Variants in UIMC1 observed in about 807,000 individuals in gnomAD.
UIMC1 encodes ubiquitin interaction motif containing 1, also known as BRCA1-A complex subunit RAP80.
Under a neutral mutation model 84.9 loss-of-function variants are expected in UIMC1, and 42 were observed. That is an observed-to-expected ratio of 0.49 (90% confidence interval 0.39 to 0.64). UIMC1 has a LOEUF of 0.64. Among genes scored for constraint, UIMC1 ranks in the 30% least tolerant of loss-of-function variants. The probability of loss-of-function intolerance (pLI) is 0.00; values close to 1 mark genes in which losing one functional copy is unlikely to be tolerated. For missense variants in UIMC1, 825 were observed against 847.6 expected, an observed-to-expected ratio of 0.97 and a Z score of 0.33; for synonymous variants, 281 against 293.0, an observed-to-expected ratio of 0.96 and a Z score of 0.42.
At chr5:176,928,041 A>G (rs1436491815) in intron 10 of UIMC1, among the ~76,000 whole-genome samples, 3 of 151,906 alleles carry the variant, frequency 2.0e-5, no homozygotes, top group African/African-American at 7.3e-5. Context: ...ATAGGGTTTC[A>G]CCATGTTGGC....
At chr5:177,014,789 A>G (rs910267750) in intron 1 of UIMC1, among the ~76,000 whole-genome samples, 3 of 152,338 alleles carry the variant, frequency 2.0e-5, no homozygotes, top group African/African-American at 7.2e-5. Context: ...AACCTACCAC[A>G]GTGCTAAAGT....
At chr5:176,967,764 G>A (rs1196365251) in intron 6 of UIMC1, among the ~76,000 whole-genome samples, 5 of 152,002 alleles carry the variant, frequency 3.3e-5, no homozygotes, top group Admixed American at 6.6e-5. Flanking sequence ...TTAGCTCAGC[G>A]TAGTAGCGTG....
rs1768894425 is a variant in UIMC1 at position 176,969,634 on chromosome 5, G to C, written c.430C>G (p.Gln144Glu). Residue 144 changes from glutamine (Q) to glutamate (E), a missense_variant, in exon 5 of 15, where the codon CAA (glutamine) becomes GAA (glutamate). By Grantham distance (29) the Gln-to-Glu change is conservative. Coordinates refer to ENST00000511320, the MANE Select transcript of UIMC1 (RefSeq NM_001199298.2). ...AGCCCAGAGTCTGTGGTTTTCTCTT[G>C]ATGGGACTGGGAAGACGGTCCAGTG... Reference protein sequence around the residue: ...LATGPSSQSHQEKTTDSGLTE... With the variant: ...LATGPSSQSHEEKTTDSGLTE... 1.2e-6 allele frequency: 2 copies of C among 1,614,152 alleles called. No homozygotes were observed. The highest frequency in any genetic ancestry group is 8.5e-7 in the Non-Finnish European group (1 of 1,180,018).
intron 6 of UIMC1, among the ~76,000 whole-genome samples, chr5:176,959,841 G>C (rs1767112783): frequency 6.6e-6 from 1 of 151,754 alleles, no homozygotes; most frequent in Non-Finnish European, 1.5e-5. Flanking sequence ...AGACCAGCCT[G>C]ACCAACATGG....
chr5:176,992,325 GT>G (rs1306236345), intron 1 of UIMC1, among the ~76,000 whole-genome samples: 1 of 152,054 alleles, frequency 6.6e-6, no homozygotes, highest in African/African-American at 2.4e-5. Context: ...CCAAAAGAGT[GT>G]AGAACTATCA....
chr5:177,016,344 A>G (rs191980017), intron 1 of UIMC1, among the ~76,000 whole-genome samples: 19 of 149,974 alleles, frequency 1.3e-4, no homozygotes, highest in Middle Eastern at 3.5e-3. Flanking sequence ...AACCTGGATG[A>G]CAGAGCAAGA....
At chr5:176,959,521 C>T (rs1330219544) in intron 6 of UIMC1, among the ~76,000 whole-genome samples, 1 of 147,696 alleles carries the variant, frequency 6.8e-6, no homozygotes, top group Non-Finnish European at 1.5e-5. Flanking sequence ...TCGAGACCAT[C>T]CCAGCTAAAA....
At chr5:176,959,104 A>G (rs574551947) in intron 6 of UIMC1, among the ~76,000 whole-genome samples, 8 of 152,380 alleles carry the variant, frequency 5.3e-5, no homozygotes, top group Admixed American at 4.6e-4. Flanking sequence ...AGTCAAAAGG[A>G]AAGTTGTACA....
chr5:176,906,959 T>C (rs1759466184), intron 13 of UIMC1, among the ~76,000 whole-genome samples, 155 bp downstream of exon 13: 1 of 152,204 alleles, frequency 6.6e-6, no homozygotes, highest in Admixed American at 6.5e-5. Flanking sequence ...CCAACTTCCT[T>C]AAGGAGAGAT....
chr5:176,982,260 A>AG (rs1355468839), intron 2 of UIMC1, among the ~76,000 whole-genome samples: 8 of 152,220 alleles, frequency 5.3e-5, no homozygotes, highest in African/African-American at 1.9e-4. Flanking sequence ...ATAAAACTGA[A>AG]GAACTATGAT....
At chr5:177,007,611 CTG>C (rs1361591946), upstream of UIMC1, among the ~76,000 whole-genome samples, 2 of 152,088 alleles carry the variant, frequency 1.3e-5, no homozygotes, top group Non-Finnish European at 2.9e-5. Context: ...AATATGTACA[CTG>C]TGAAATGATT....
intron 10 of UIMC1, among the ~76,000 whole-genome samples, chr5:176,931,390 G>A (rs1212326198): frequency 1.3e-5 from 2 of 152,144 alleles, no homozygotes; most frequent in African/African-American, 2.4e-5. Flanking sequence ...GTTAAAAAGA[G>A]CTATTTTATT....
At chr5:176,991,739 T>A (rs1207255945) in intron 1 of UIMC1, among the ~76,000 whole-genome samples, 3 of 151,172 alleles carry the variant, frequency 2.0e-5, no homozygotes, top group Non-Finnish European at 2.9e-5. Context: ...GAAACCATCC[T>A]GGCTAACACG....
intron 6 of UIMC1, among the ~76,000 whole-genome samples, chr5:176,959,738 T>G (rs1323031565): frequency 8.5e-6 from 1 of 118,110 alleles, no homozygotes; most frequent in African/African-American, 3.4e-5. Context: ...AAAAAAAAAA[T>G]TATTGTGCTT....
At chr5:176,965,917 G>T (rs531024025) in intron 6 of UIMC1, among the ~76,000 whole-genome samples, 6 of 152,316 alleles carry the variant, frequency 3.9e-5, no homozygotes, top group Admixed American at 3.9e-4. Context: ...ACTCTTTGGA[G>T]TTAATGTATT....
intron 10 of UIMC1, among the ~76,000 whole-genome samples, chr5:176,911,609 T>C (rs1760226509): frequency 6.6e-6 from 1 of 152,182 alleles, no homozygotes; most frequent in South Asian, 2.1e-4. Flanking sequence ...CCACAAGATA[T>C]TCCGCTGTAT....
chr5:176,997,574 A>G (rs1407266916), intron 1 of UIMC1, among the ~76,000 whole-genome samples: 1 of 151,408 alleles, frequency 6.6e-6, no homozygotes, highest in African/African-American at 2.4e-5. Context: ...AGTCCCAGCT[A>G]CTGAGGAGGC....
intron 1 of UIMC1, among the ~76,000 whole-genome samples, chr5:176,990,988 TTTTTA>T (rs1240175146): frequency 4.0e-5 from 6 of 151,832 alleles, no homozygotes; most frequent in Admixed American, 6.6e-5. Flanking sequence ...TCAGTTTTAT[TTTTTA>T]TTTTATTTTT....
chr5:176,979,254 G>T (rs1049351320), intron 2 of UIMC1, among the ~76,000 whole-genome samples: 1 of 152,194 alleles, frequency 6.6e-6, no homozygotes, highest in African/African-American at 2.4e-5. Flanking sequence ...GCTGTTCAGG[G>T]ATACATGTAA....
Sources: allele counts gnomAD v4.1 joint callset (sites outside exome capture counted in the v4.1 genomes callset), GRCh38; gene constraint gnomAD v4.1.1; transcripts MANE v1.5; gene names NCBI Gene and HGNC (gene_info 2026-07-23, HGNC 2026-07-21).